The following NTRK2 variants were observed in gnomAD, a reference collection of about 807,000 sequenced individuals.
The protein encoded by NTRK2 is neurotrophic receptor tyrosine kinase 2.
In NTRK2, 13 loss-of-function variants were observed where a neutral mutation model predicts 94.5. That is an observed-to-expected ratio of 0.14 (90% CI 0.09 to 0.22). The LOEUF (loss-of-function observed/expected upper bound fraction) is 0.22. Ranked by LOEUF, NTRK2 falls within the 10% of genes least tolerant of loss-of-function variation. The pLI is 1.00. For missense variants in NTRK2, 639 were observed against 1,071.2 expected (o/e 0.60, Z 5.63); for synonymous variants, 372 against 407.4 (o/e 0.91, Z 1.05).
chr9:84,768,002 A>G (rs2066194941), intron 12 of NTRK2, among the ~76,000 whole-genome samples: 1 of 152,188 alleles, frequency 6.6e-6, no homozygotes. Context: ...AGACTTGCAT[A>G]ATGGAAACCT....
chr9:84,842,841 C>A (rs1052355796), intron 12 of NTRK2, among the ~76,000 whole-genome samples: 5 of 152,184 alleles, frequency 3.3e-5, no homozygotes, highest in African/African-American at 4.8e-5. Flanking sequence ...CCTTAGAAGA[C>A]CTTAGACTGG....
chr9:84,936,069 T>C (rs1354881935), intron 15 of NTRK2, among the ~76,000 whole-genome samples: 1 of 152,172 alleles, frequency 6.6e-6, no homozygotes. Flanking sequence ...ACCTTCAGAC[T>C]CTGCAGGTGT....
intron 17 of NTRK2, among the ~76,000 whole-genome samples, chr9:85,010,803 G>C (rs1001445455): frequency 6.6e-6 from 1 of 152,176 alleles, no homozygotes; most frequent in African/African-American, 2.4e-5. Context: ...AGATTTACTT[G>C]CTCCCCATTA....
chr9:84,966,437 G>T (rs1825567838), intron 17 of NTRK2, among the ~76,000 whole-genome samples: 4 of 151,646 alleles, frequency 2.6e-5, no homozygotes, highest in Admixed American at 1.3e-4. Context: ...TTGTTTGTTT[G>T]TTTGTTTGTT....
At chr9:84,984,942 A>G (rs1014641578) in intron 17 of NTRK2, among the ~76,000 whole-genome samples, 3 of 152,250 alleles carry the variant, frequency 2.0e-5, no homozygotes, top group African/African-American at 7.2e-5. Context: ...TAACATATAA[A>G]ACAGTGAAAC....
chr9:84,986,235 G>A (rs1399639626), intron 17 of NTRK2, among the ~76,000 whole-genome samples: 2 of 152,200 alleles, frequency 1.3e-5, no homozygotes, highest in East Asian at 1.9e-4. Context: ...CTGTCTGATA[G>A]TAATTCTCTA....
chr9:84,763,394 T>G (rs1490394722), intron 12 of NTRK2, among the ~76,000 whole-genome samples: 1 of 152,136 alleles, frequency 6.6e-6, no homozygotes, highest in Non-Finnish European at 1.5e-5. Context: ...AGGAAGAACA[T>G]GAAAAATGAT....
intron 12 of NTRK2, among the ~76,000 whole-genome samples, chr9:84,842,162 A>G (rs1019221440): frequency 6.6e-6 from 1 of 152,136 alleles, no homozygotes; most frequent in Non-Finnish European, 1.5e-5. Flanking sequence ...TCTGCTCAGG[A>G]AAAGGCTGAC....
intron 12 of NTRK2, among the ~76,000 whole-genome samples, chr9:84,839,482 G>C (rs2074052786): frequency 6.6e-6 from 1 of 152,198 alleles, no homozygotes; most frequent in Non-Finnish European, 1.5e-5. Context: ...ATTTCACTGT[G>C]ACGGGTCTTA....
intron 12 of NTRK2, among the ~76,000 whole-genome samples, chr9:84,760,928 A>G (rs762229179): frequency 2.0e-5 from 3 of 152,246 alleles, no homozygotes; most frequent in Non-Finnish European, 4.4e-5. Flanking sequence ...GCCTGCTAGA[A>G]AGGAAAAGAG....
In NTRK2 at chr9:85,026,246, C is replaced by T. The variant is rs1481867329; in HGVS notation, c.*4809C>T. 3 of 230,290 alleles carry T rather than the reference C, an allele frequency of 1.3e-5. No individual in the cohort carries two copies. The highest frequency in any genetic ancestry group is 1.3e-3 in the Middle Eastern group (1 of 770). The allele number at this position is 230,290 out of a possible 1,614,324, so 14.3% of individuals were successfully genotyped here. A position where few individuals can be genotyped will look rare whatever the true frequency, so the allele number is the denominator to read the frequency against. ...CCATCTTAACATACATCTCAGGAGACGAAATGAGAAAAGATGGGGATGTCA... is the reference window on the plus strand; with the variant it reads ...CCATCTTAACATACATCTCAGGAGATGAAATGAGAAAAGATGGGGATGTCA... On this transcript the variant is annotated 3_prime_UTR_variant, in exon 19 of 19. Transcript: ENST00000277120.
intron 15 of NTRK2, among the ~76,000 whole-genome samples, chr9:84,937,359 T>A (rs2132752799): frequency 6.6e-6 from 1 of 152,326 alleles, no homozygotes; most frequent in Non-Finnish European, 1.5e-5. Context: ...ATTGTCCTTT[T>A]TCCTTCTCTA....
chr9:84,841,998 A>G (rs1368238560), intron 12 of NTRK2, among the ~76,000 whole-genome samples: 3 of 152,208 alleles, frequency 2.0e-5, no homozygotes. Context: ...ATGTGCAGAT[A>G]TGTTCAATCC....
intron 17 of NTRK2, among the ~76,000 whole-genome samples, chr9:85,013,416 C>T (rs550662640): frequency 6.6e-6 from 1 of 152,226 alleles, no homozygotes; most frequent in South Asian, 2.1e-4. Flanking sequence ...GGTTCTCCTG[C>T]CTCAGCCTCC....
intron 14 of NTRK2, chr9:84,874,149 C>T (rs965235404): frequency 5.6e-6 from 6 of 1,064,804 alleles, no homozygotes; most frequent in South Asian, 9.1e-5. Flanking sequence ...ATTTTGGTTT[C>T]GGATTGGCCA....
At chr9:84,771,545 A>G (rs980343975) in intron 12 of NTRK2, among the ~76,000 whole-genome samples, 3 of 152,182 alleles carry the variant, frequency 2.0e-5, no homozygotes, top group African/African-American at 4.8e-5. Flanking sequence ...TTCAGCAAAA[A>G]TACACAAAAG....
At chr9:84,926,169 C>CCTTTCTTCCTTTCTTTCTTT (rs2077790824) in intron 14 of NTRK2, among the ~76,000 whole-genome samples, 1 of 38,514 alleles carries the variant, frequency 2.6e-5, no homozygotes, top group African/African-American at 9.2e-5. Context: ...TTCCTTCCTT[C>CCTTTCTTCCTTTCTTTCTTT]CTTTCTTTCT....
chr9:84,851,629 C>A (rs1381300864), intron 12 of NTRK2, among the ~76,000 whole-genome samples: 1 of 152,026 alleles, frequency 6.6e-6, no homozygotes, highest in Non-Finnish European at 1.5e-5. Flanking sequence ...GGAAGGGAGA[C>A]AATGGGTCAC....
intron 17 of NTRK2, among the ~76,000 whole-genome samples, chr9:84,991,135 C>T (rs1047965900): frequency 2.2e-4 from 33 of 152,160 alleles, no homozygotes; most frequent in African/African-American, 8.0e-4. Context: ...GACACATTTC[C>T]TCTCTTTTTC....
Sources: allele counts gnomAD v4.1 joint callset (sites outside exome capture counted in the v4.1 genomes callset), GRCh38; gene constraint gnomAD v4.1.1; transcripts MANE v1.5; gene names NCBI Gene and HGNC (gene_info 2026-07-23, HGNC 2026-07-21).